Variants in CDH12 observed in about 807,000 individuals in gnomAD.
The protein encoded by CDH12 is cadherin-12.
In CDH12, 41 loss-of-function variants were observed where a neutral mutation model predicts 74.1. The observed-to-expected ratio is 0.55, with a 90% CI of 0.43 to 0.72. The LOEUF is 0.72. Ranked by LOEUF, CDH12 falls within the 30% of genes least tolerant of loss-of-function variation. The pLI is 0.00. For missense variants in CDH12, 945 were observed against 977.2 expected, an observed-to-expected ratio of 0.97 and a Z score of 0.44; for synonymous variants, 399 against 355.0, an observed-to-expected ratio of 1.12 and a Z score of -1.39.
At chr5:22,338,218 GATGGAGTACTATTATTCAGCCCT>G (rs1280093942) in intron 3 of CDH12, among the ~76,000 whole-genome samples, 1 of 152,172 alleles carries the variant, frequency 6.6e-6, no homozygotes, top group African/African-American at 2.4e-5. Context: ...ACTTATACAT[GATGGAGTACTATTATTCAGCCCT>G]AAAAAAGAAT....
At chr5:22,528,204 C>A (rs1561469639) in intron 1 of CDH12, among the ~76,000 whole-genome samples, 2 of 152,132 alleles carry the variant, frequency 1.3e-5, no homozygotes, top group Admixed American at 6.6e-5. Flanking sequence ...TCGGGGGAAG[C>A]TATTATAGTT....
chr5:22,417,786 T>C (rs953827915), intron 2 of CDH12, among the ~76,000 whole-genome samples: 1 of 152,140 alleles, frequency 6.6e-6, no homozygotes, highest in Non-Finnish European at 1.5e-5. Context: ...GGAAGTGTAT[T>C]TTCATAACCT....
intron 6 of CDH12, among the ~76,000 whole-genome samples, chr5:21,916,184 G>A (rs1754085473): frequency 6.6e-6 from 1 of 152,052 alleles, no homozygotes; most frequent in Non-Finnish European, 1.5e-5. Flanking sequence ...TTACAGCTAT[G>A]TAAGTATTCT....
At chr5:22,007,207 G>A (rs188747339) in intron 5 of CDH12, among the ~76,000 whole-genome samples, 94 of 152,218 alleles carry the variant, frequency 6.2e-4, no homozygotes, top group African/African-American at 1.5e-3. Flanking sequence ...TTATCTTCTC[G>A]TGTATTAACA....
At chr5:22,807,984 A>G (rs1018558994) in intron 1 of CDH12, among the ~76,000 whole-genome samples, 1 of 152,234 alleles carries the variant, frequency 6.6e-6, no homozygotes, top group Non-Finnish European at 1.5e-5. Context: ...TAATTGTGCT[A>G]TGACATCACT....
chr5:22,326,536 C>T (rs576787524), intron 3 of CDH12, among the ~76,000 whole-genome samples: 2 of 152,230 alleles, frequency 1.3e-5, no homozygotes, highest in African/African-American at 4.8e-5. Flanking sequence ...CGCCCGGCCT[C>T]CAGGTTGGCT....
intron 4 of CDH12, among the ~76,000 whole-genome samples, chr5:22,130,734 T>A (rs1746134024): frequency 6.6e-6 from 1 of 152,116 alleles, no homozygotes; most frequent in Admixed American, 6.6e-5. Context: ...AATCAATTTA[T>A]CATATACAAT....
intron 1 of CDH12, among the ~76,000 whole-genome samples, chr5:22,781,710 G>A (rs930486796): frequency 5.3e-5 from 8 of 151,944 alleles, no homozygotes; most frequent in Admixed American, 6.6e-5. Context: ...CTGCTTCTTC[G>A]GCCAGAATGC....
At chr5:22,397,286 C>T (rs1283500157) in intron 3 of CDH12, among the ~76,000 whole-genome samples, 1 of 152,034 alleles carries the variant, frequency 6.6e-6, no homozygotes, top group African/African-American at 2.4e-5. Context: ...TAGACACTAG[C>T]AGGAGAGCAA....
intron 9 of CDH12, among the ~76,000 whole-genome samples, chr5:21,811,963 C>A (rs890285056): frequency 6.6e-6 from 1 of 151,966 alleles, no homozygotes; most frequent in Non-Finnish European, 1.5e-5. Flanking sequence ...AAATGCCTTT[C>A]TTCAGTCTTC....
intron 6 of CDH12, among the ~76,000 whole-genome samples, chr5:21,891,847 C>T (rs973445714): frequency 2.6e-5 from 4 of 151,794 alleles, no homozygotes; most frequent in Middle Eastern, 3.4e-3. Context: ...TAGATCAAAT[C>T]AAAACTTCAA....
At chr5:21,767,041 A>C (rs1745066061) in intron 11 of CDH12, among the ~76,000 whole-genome samples, 1 of 151,910 alleles carries the variant, frequency 6.6e-6, no homozygotes. Context: ...CCACTTTGAC[A>C]ATTATATAGG....
chr5:21,861,002 C>A (rs1403700290), intron 6 of CDH12, among the ~76,000 whole-genome samples: 2 of 152,044 alleles, frequency 1.3e-5, no homozygotes, highest in African/African-American at 4.8e-5. Flanking sequence ...ATTCTACTCA[C>A]TGCTTCTGTG....
At chr5:21,998,731 T>C (rs1359248830) in intron 5 of CDH12, among the ~76,000 whole-genome samples, 1 of 152,038 alleles carries the variant, frequency 6.6e-6, no homozygotes, top group Admixed American at 6.6e-5. Flanking sequence ...CATATGACAG[T>C]GTCTTCTCGT....
At chr5:22,582,506 T>C (rs1740156980) in intron 1 of CDH12, among the ~76,000 whole-genome samples, 1 of 152,168 alleles carries the variant, frequency 6.6e-6, no homozygotes, top group East Asian at 1.9e-4. Context: ...TAGCATGGGA[T>C]CTATTAATTC....
intron 1 of CDH12, among the ~76,000 whole-genome samples, chr5:22,517,982 C>T (rs10941958): frequency 6.6e-6 from 1 of 152,154 alleles, no homozygotes; most frequent in South Asian, 2.1e-4. Context: ...TTTCATGTTA[C>T]TTTCATTAAT....
intron 1 of CDH12, among the ~76,000 whole-genome samples, chr5:22,568,885 C>T (rs976998998): frequency 2.0e-5 from 3 of 152,160 alleles, no homozygotes; most frequent in Admixed American, 6.5e-5. Context: ...TGCTAATGCT[C>T]ATTTGAGCTT....
intron 5 of CDH12, among the ~76,000 whole-genome samples, chr5:22,006,792 T>C (rs1472395345): frequency 6.6e-6 from 1 of 152,186 alleles, no homozygotes; most frequent in Non-Finnish European, 1.5e-5. Context: ...GCTCTAAGCA[T>C]GAAAATAGGT....
At chr5:21,854,572 A>T in intron 7 of CDH12, 99 bp downstream of exon 7, 1 of 920,178 alleles carries the variant, frequency 1.1e-6, no homozygotes, top group Non-Finnish European at 1.7e-6. Context: ...CTGAAGCTTT[A>T]TGGCTATATT....
Sources: allele counts gnomAD v4.1 joint callset (sites outside exome capture counted in the v4.1 genomes callset), GRCh38; gene constraint gnomAD v4.1.1; transcripts MANE v1.5; gene names NCBI Gene and HGNC (gene_info 2026-07-23, HGNC 2026-07-21).